The following ARL15 variants were observed in gnomAD, a reference collection of about 807,000 sequenced individuals.
ARL15 encodes ARF like GTPase 15, also known as ADP-ribosylation factor-like protein 15.
A neutral mutation model predicts 25.2 loss-of-function variants in ARL15; 19 were observed. That is an observed-to-expected ratio of 0.75 (90% CI 0.53 to 1.10). ARL15 has a LOEUF of 1.10. Among genes scored for constraint, ARL15 ranks in the 50% least tolerant of loss-of-function variants. The pLI is 0.00. For missense variants in ARL15, 220 were observed against 246.0 expected (o/e 0.89, Z 0.71); for synonymous variants, 94 against 86.8 (o/e 1.08, Z -0.46).
At chr5:54,106,507 G>C (rs912081973) in intron 4 of ARL15, among the ~76,000 whole-genome samples, 2 of 152,018 alleles carry the variant, frequency 1.3e-5, no homozygotes, top group African/African-American at 4.8e-5. Flanking sequence ...ATAAATCCCT[G>C]ATATCAAATG....
intron 4 of ARL15, among the ~76,000 whole-genome samples, chr5:53,903,510 T>C (rs1248518000): frequency 6.6e-6 from 1 of 152,186 alleles, no homozygotes; most frequent in Non-Finnish European, 1.5e-5. Context: ...CAAAACATTA[T>C]GTAGCCCAAA....
At chr5:54,091,322 T>C (rs1383994266) in intron 4 of ARL15, among the ~76,000 whole-genome samples, 1 of 152,194 alleles carries the variant, frequency 6.6e-6, no homozygotes, top group African/African-American at 2.4e-5. Flanking sequence ...TTAAGGTCAC[T>C]ATTCAAATTC....
intron 1 of ARL15, among the ~76,000 whole-genome samples, chr5:54,246,703 T>A (rs1757092881): frequency 6.6e-6 from 1 of 152,040 alleles, no homozygotes; most frequent in African/African-American, 2.4e-5. Context: ...CAAGTTCAAG[T>A]AACTTTTCTT....
At chr5:54,242,229 G>T (rs904251076) in intron 1 of ARL15, among the ~76,000 whole-genome samples, 1 of 152,040 alleles carries the variant, frequency 6.6e-6, no homozygotes, top group East Asian at 1.9e-4. Context: ...TGGTTTGAAG[G>T]GCTAAATGGT....
At chr5:53,933,723 T>C (rs1168528966) in intron 4 of ARL15, among the ~76,000 whole-genome samples, 1 of 148,420 alleles carries the variant, frequency 6.7e-6, no homozygotes, top group East Asian at 2.0e-4. Context: ...TTATCTTCAA[T>C]ATTCATTAGG....
chr5:54,267,410 A>G (rs1480363762), intron 1 of ARL15, among the ~76,000 whole-genome samples: 1 of 152,188 alleles, frequency 6.6e-6, no homozygotes, highest in Non-Finnish European at 1.5e-5. Context: ...TTTTAAAGCA[A>G]TGATCCTCGA....
At chr5:54,159,095 C>A (rs531801761) in intron 2 of ARL15, among the ~76,000 whole-genome samples, 1 of 152,256 alleles carries the variant, frequency 6.6e-6, no homozygotes, top group African/African-American at 2.4e-5. Flanking sequence ...TAACCCAACA[C>A]CTAATAAACC....
At chr5:54,226,266 C>CTTTAT (rs1561274454) in intron 1 of ARL15, among the ~76,000 whole-genome samples, 1 of 151,984 alleles carries the variant, frequency 6.6e-6, no homozygotes, top group African/African-American at 2.4e-5. Context: ...GGAAAATGGC[C>CTTTAT]GTTAATTGGA....
chr5:53,923,135 G>A (rs1045967569), intron 4 of ARL15, among the ~76,000 whole-genome samples: 5 of 152,158 alleles, frequency 3.3e-5, no homozygotes, highest in Admixed American at 2.6e-4. Context: ...GCAAGTTTTG[G>A]AGAATGACTG....
chr5:53,950,674 C>CT (rs989514119), intron 4 of ARL15, among the ~76,000 whole-genome samples: 68 of 149,812 alleles, frequency 4.5e-4, no homozygotes, highest in African/African-American at 1.0e-3. Flanking sequence ...CTTCTCCATG[C>CT]TTTTTTTTTT....
chr5:54,020,446 T>C (rs569568804), intron 4 of ARL15, among the ~76,000 whole-genome samples: 5 of 152,256 alleles, frequency 3.3e-5, no homozygotes, highest in Admixed American at 3.3e-4. Flanking sequence ...GAGGTATGCC[T>C]ACCCACCAGA....
intron 2 of ARL15, among the ~76,000 whole-genome samples, chr5:54,168,418 T>C (rs62370443): frequency 0.019 from 2,725 of 146,992 alleles, 38 homozygotes; most frequent in Non-Finnish European, 0.025. Context: ...TTTTTAACAA[T>C]TCACCAAAAC....
At position 54,033,291 on chromosome 5, in the gene ARL15, T is replaced by C. The variant is rs10076305; in HGVS notation, c.462+79911A>G. ...TCACACCACTGCACTCCAGCTGGGG[T>C]GACAGAGCAAGACTCCGTCTCAAAA... On this transcript the variant is annotated intron_variant, in intron 4 of 4. Transcript: ENST00000504924. 8.7e-3 allele frequency among the ~76,000 whole-genome samples: 1,298 copies of C among 149,938 alleles called. 25 individuals carry two copies. Among genetic ancestry groups the C allele is most frequent in the African/African-American group, 0.03 (1,237 of 40,804 alleles).
chr5:54,163,355 G>GTTTTTTT lies in ARL15; in HGVS notation c.193+8428_193+8429insAAAAAAA, dbSNP rs1754465268. On this transcript the variant is annotated intron_variant, in intron 2 of 4. Coordinates refer to ENST00000504924, the MANE Select transcript of ARL15 (RefSeq NM_019087.3). The stretch of plus-strand genomic sequence containing the variant: ...TGTCCATGAGGGCTATTGGTATGAA[G>GTTTTTTT]CTTTTTTTTTTTTTTTTTTTTTTTT... Among the ~76,000 whole-genome samples the GTTTTTTT allele has an allele frequency of 1.7e-3, 87 of 51,346 alleles. 28 individuals are homozygous for GTTTTTTT. The highest frequency in any genetic ancestry group is 3.1e-3 in the African/African-American group (38 of 12,092). 33.7% of individuals were successfully genotyped at this position (51,346 alleles called of 152,430 possible). A position where few individuals can be genotyped will look rare whatever the true frequency, so the allele number is the denominator to read the frequency against.
chr5:54,297,814 G>T (rs955815636), intron 1 of ARL15, among the ~76,000 whole-genome samples: 4 of 151,876 alleles, frequency 2.6e-5, no homozygotes, highest in Non-Finnish European at 4.4e-5. Context: ...ACGGAGTCTC[G>T]CTCTGTCGCC....
At chr5:54,215,984 T>G (rs1452612999) in intron 1 of ARL15, among the ~76,000 whole-genome samples, 1 of 152,198 alleles carries the variant, frequency 6.6e-6, no homozygotes, top group African/African-American at 2.4e-5. Context: ...ATTGAACTCC[T>G]TTAAATATTA....
At chr5:54,094,443 A>G (rs1314490681) in intron 4 of ARL15, among the ~76,000 whole-genome samples, 1 of 151,968 alleles carries the variant, frequency 6.6e-6, no homozygotes, top group Admixed American at 6.6e-5. Flanking sequence ...AAAAACCAGT[A>G]ATGATATAGA....
intron 4 of ARL15, among the ~76,000 whole-genome samples, chr5:53,995,056 A>G (rs1247356207): frequency 6.6e-6 from 1 of 152,112 alleles, no homozygotes; most frequent in Non-Finnish European, 1.5e-5. Context: ...CATGCCTGTA[A>G]TCCCAGCACT....
At chr5:54,078,822 T>C (rs1338018215) in intron 4 of ARL15, among the ~76,000 whole-genome samples, 2 of 152,174 alleles carry the variant, frequency 1.3e-5, no homozygotes, top group African/African-American at 4.8e-5. Context: ...CTTGATAGCA[T>C]AAAAATCAGC....
Sources: gnomAD v4.1 joint callset for allele counts (sites outside exome capture counted in the v4.1 genomes callset) on GRCh38, gnomAD v4.1.1 for gene constraint, MANE v1.5 for transcripts, NCBI Gene and HGNC (gene_info 2026-07-23, HGNC 2026-07-21) for gene names.